The following TSPEAR variants were observed in gnomAD, a reference collection of about 807,000 sequenced individuals.
TSPEAR encodes the protein thrombospondin type laminin G domain and EAR repeats.
TSPEAR carries 69 observed loss-of-function variants against 71.6 expected under a neutral mutation model. The ratio of observed to expected loss-of-function variants is 0.96; its 90% CI spans 0.79 to 1.18. The LOEUF (loss-of-function observed/expected upper bound fraction) is 1.18. Among genes scored for constraint, TSPEAR ranks in the 50% most tolerant of loss-of-function variants. The probability of loss-of-function intolerance (pLI) is 0.00; values close to 1 mark genes in which losing one functional copy is unlikely to be tolerated. For synonymous variants in TSPEAR, 402 were observed against 387.2 expected (o/e 1.04, Z -0.45); for missense variants, 971 against 894.9 (o/e 1.09, Z -1.09).
At chr21:44,540,057 A>T (rs781918670) in intron 2 of TSPEAR, 32 of 1,613,326 alleles carry the variant, frequency 2.0e-5, no homozygotes, top group Admixed American at 8.3e-5. Flanking sequence ...CTGAGGGCGC[A>T]GCAGTGGGGC....
intron 1 of TSPEAR, chr21:44,627,357 T>C (rs1982889061): frequency 1.2e-6 from 2 of 1,613,424 alleles, no homozygotes; most frequent in Admixed American, 1.7e-5. Context: ...AGGTGACCTG[T>C]GAGCCCAGCC....
intron 1 of TSPEAR, among the ~76,000 whole-genome samples, chr21:44,703,247 C>A (rs529015420): frequency 6.6e-6 from 1 of 152,364 alleles, no homozygotes; most frequent in South Asian, 2.1e-4. Context: ...AGACGAGCCA[C>A]GTCATGGGAG....
rs782448213 is a variant in TSPEAR, at chr21:44,515,224, A to G, written c.1567-5838T>C. ...ACAATGTGAGAAATGTTGGCAAAAC[A>G]TGAAAGTGGGCTTTGTGAGTTTTGA... On this transcript the variant is annotated intron_variant, in intron 9 of 11. Coordinates refer to ENST00000323084, the MANE Select transcript of TSPEAR (RefSeq NM_144991.3). 2.5e-4 allele frequency among the ~76,000 whole-genome samples: 38 copies of G among 152,388 alleles called. 1 individual carries two copies. In the South Asian group the frequency reaches 2.7e-3, roughly 11 times the overall value.
Position 44,642,980 on chromosome 21 carries a change from T to C in TSPEAR, c.82+68453A>G, listed in dbSNP as rs898152337. 1.3e-5 allele frequency among the ~76,000 whole-genome samples: 2 copies of C among 152,276 alleles called. No individual in the cohort carries two copies. The highest frequency in any genetic ancestry group is 3.9e-4 in the East Asian group (2 of 5,186). ...CACTGCCATGCTAACTGCAGCACTA[T>C]TCACAACAGCAAAGATACGGAAGCA... On this transcript the variant is annotated intron_variant, in intron 1 of 11. Coordinates refer to ENST00000323084, the MANE Select transcript of TSPEAR (RefSeq NM_144991.3). The surrounding 1 kb of genome is among the most constrained non-coding windows in gnomAD (Gnocchi z 4.1).
At position 44,612,602 on chromosome 21, in the gene TSPEAR, C is replaced by T. The variant is rs781798824; in HGVS notation, c.83-44597G>A. 9 of 1,613,994 alleles carry T rather than the reference C, an allele frequency of 5.6e-6. No homozygotes were observed. The highest frequency in any genetic ancestry group is 6.8e-6 in the Non-Finnish European group (8 of 1,179,990). On this transcript the variant is annotated intron_variant, in intron 1 of 11. Coordinates refer to ENST00000323084, the MANE Select transcript of TSPEAR (RefSeq NM_144991.3). This position sits in a 1 kb window ranked among gnomAD's most constrained non-coding sequence, Gnocchi z 4.1. Reference sequence around the variant, plus strand: ...CCCATGCCAACAGGCCTGCTGTGTGCCCATCTGCTGCAAGCCCATCTGCTG... The same window carrying T: ...CCCATGCCAACAGGCCTGCTGTGTGTCCATCTGCTGCAAGCCCATCTGCTG...
intron 10 of TSPEAR, chr21:44,507,940 G>T (rs189239382): frequency 1.3e-5 from 2 of 151,914 alleles, no homozygotes; most frequent in Admixed American, 1.3e-4. Context: ...AGACACCGCC[G>T]CTGGCTCTTT....
chr21:44,706,550 C>T (rs559128000), intron 1 of TSPEAR, among the ~76,000 whole-genome samples: 9 of 152,252 alleles, frequency 5.9e-5, no homozygotes, highest in Non-Finnish European at 8.8e-5. Context: ...CCGGCTCCGA[C>T]CCACACGCAG....
intron 1 of TSPEAR, among the ~76,000 whole-genome samples, chr21:44,596,077 A>G (rs2146135743): frequency 6.6e-6 from 1 of 152,326 alleles, no homozygotes; most frequent in East Asian, 1.9e-4. Flanking sequence ...TCTCATGGGA[A>G]GGTTCAATTG....
At chr21:44,599,768 G>A (rs12481814) in intron 1 of TSPEAR, among the ~76,000 whole-genome samples, 27,343 of 152,230 alleles carry the variant, frequency 0.18, 3,113 homozygotes, top group East Asian at 0.29. Context: ...ATGTCTAGCT[G>A]GGGTGACCAA....
chr21:44,530,392 C>T (rs969040662), intron 4 of TSPEAR, among the ~76,000 whole-genome samples: 2 of 148,600 alleles, frequency 1.3e-5, no homozygotes, highest in Admixed American at 6.6e-5. Context: ...CTCATCCATC[C>T]ATCCCTCCAT....
At chr21:44,583,043 T>C (rs1235366029) in intron 1 of TSPEAR, among the ~76,000 whole-genome samples, 2 of 152,170 alleles carry the variant, frequency 1.3e-5, no homozygotes, top group Non-Finnish European at 2.9e-5. Flanking sequence ...GGTTTGGACA[T>C]TTTGGCCAGG....
At chr21:44,533,512 C>T (rs1275085060) in intron 3 of TSPEAR, among the ~76,000 whole-genome samples, 173 bp downstream of exon 3, 5 of 151,826 alleles carry the variant, frequency 3.3e-5, no homozygotes, top group East Asian at 3.9e-4. Flanking sequence ...GGCCCCTGGT[C>T]GGCTCCTGCC....
chr21:44,677,206 T>A (rs1165209072), intron 1 of TSPEAR: 1 of 713,274 alleles, frequency 1.4e-6, no homozygotes, highest in Non-Finnish European at 2.6e-6. Flanking sequence ...TCAGTCACAC[T>A]TTTCATCTTC....
intron 1 of TSPEAR, among the ~76,000 whole-genome samples, chr21:44,573,560 C>G (rs1403870887): frequency 6.6e-6 from 1 of 152,172 alleles, no homozygotes; most frequent in African/African-American, 2.4e-5. Context: ...TCTTGGGAAA[C>G]AAAAACACAG....
chr21:44,501,624 C>T (rs1415722429), intron 11 of TSPEAR, among the ~76,000 whole-genome samples: 1 of 152,018 alleles, frequency 6.6e-6, no homozygotes, highest in Non-Finnish European at 1.5e-5. Flanking sequence ...ATTAGCCAGG[C>T]ATGGTTGGCC....
rs1265986608 is a variant in TSPEAR, at chr21:44,506,286, AGCT to A, written c.1755-1408_1755-1406del. Reference sequence around the variant, plus strand: ...TTCCTCCCCAGGAGCCCACCTGCCGAGCTGTCAGCGTCAGCCCCACATCTCAAG... The same window carrying A: ...TTCCTCCCCAGGAGCCCACCTGCCGAGTCAGCGTCAGCCCCACATCTCAAG... On this transcript the variant is annotated intron_variant, in intron 10 of 11. Transcript: ENST00000323084. The surrounding 1 kb of genome is among the most constrained non-coding windows in gnomAD (Gnocchi z 4.2). 1.1e-4 allele frequency among the ~76,000 whole-genome samples: 16 copies of A among 152,208 alleles called. No individual in the cohort carries two copies. Among genetic ancestry groups the A allele is most frequent in the Non-Finnish European group, 2.2e-4 (15 of 68,040 alleles).
chr21:44,658,888 C>G (rs1985329011), intron 1 of TSPEAR, among the ~76,000 whole-genome samples: 1 of 152,128 alleles, frequency 6.6e-6, no homozygotes, highest in Admixed American at 6.5e-5. Context: ...AATCCTCTAC[C>G]CAGAAGGATG....
At chr21:44,566,444 A>G (rs1449754742) in intron 2 of TSPEAR, among the ~76,000 whole-genome samples, 1 of 152,156 alleles carries the variant, frequency 6.6e-6, no homozygotes, top group African/African-American at 2.4e-5. Context: ...TACTCCCCAA[A>G]TTAATTACAG....
At chr21:44,510,595 C>G (rs1322696267) in intron 9 of TSPEAR, 2 of 152,266 alleles carry the variant, frequency 1.3e-5, no homozygotes, top group African/African-American at 4.8e-5. Flanking sequence ...GGCGCCTGCC[C>G]GGCCGGCTCA....
Sources: allele counts gnomAD v4.1 joint callset (sites outside exome capture counted in the v4.1 genomes callset), GRCh38; gene constraint gnomAD v4.1.1; non-coding constraint Gnocchi (gnomAD v3.1); transcripts MANE v1.5; gene names NCBI Gene and HGNC (gene_info 2026-07-23, HGNC 2026-07-21).